Variants in CFAP100 observed in about 807,000 individuals in gnomAD.
CFAP100 encodes cilia and flagella associated protein 100, also known as cilia- and flagella-associated protein 100.
In CFAP100, 70 loss-of-function variants were observed where a neutral mutation model predicts 81.5. The ratio of observed to expected loss-of-function variants is 0.86; its 90% confidence interval spans 0.71 to 1.05. CFAP100 has a LOEUF of 1.05. CFAP100 is among the 50% of genes least tolerant of loss of function. CFAP100 has a pLI of 0.00. For missense variants in CFAP100, 811 were observed against 776.5 expected, an observed-to-expected ratio of 1.04 and a Z score of -0.53; for synonymous variants, 341 against 314.8, an observed-to-expected ratio of 1.08 and a Z score of -0.88.
At position 126,404,682 on chromosome 3, in the gene CFAP100, G is replaced by T. The variant is rs550821559; in HGVS notation, c.50-2490G>T. On this transcript the variant is annotated intron_variant, in intron 2 of 16. Coordinates refer to ENST00000352312, the MANE Select transcript of CFAP100 (RefSeq NM_182628.3). ...TCATTCACAGAGCAGGGAAAATGAG[G>T]TTTTTTTTCTGAGATGGAGTCTCGC... is the stretch of plus-strand genomic sequence containing the variant. Among the ~76,000 whole-genome samples, 12 of 152,018 alleles carry T rather than the reference G, an allele frequency of 7.9e-5. No individual in the cohort carries two copies. In the East Asian group the frequency reaches 1.2e-3, roughly 15 times the overall value.
At chr3:126,419,450 CTG>C (rs2107607013) in intron 8 of CFAP100, among the ~76,000 whole-genome samples, 185 bp from the exon 9 acceptor site, 1 of 152,338 alleles carries the variant, frequency 6.6e-6, no homozygotes, top group African/African-American at 2.4e-5. Flanking sequence ...TCACAAAGGG[CTG>C]TGACTCTGCT....
intron 5 of CFAP100, among the ~76,000 whole-genome samples, chr3:126,417,219 T>A (rs2083258442): frequency 6.6e-6 from 1 of 152,204 alleles, no homozygotes; most frequent in African/African-American, 2.4e-5. Context: ...CAGCTCAGTT[T>A]CCTTTCCTGG....
intron 2 of CFAP100, among the ~76,000 whole-genome samples, chr3:126,401,804 C>T (rs555550529): frequency 6.6e-5 from 10 of 152,086 alleles, no homozygotes; most frequent in Non-Finnish European, 1.3e-4. Context: ...CTGCCAAACC[C>T]TGGTCCTTCT....
At chr3:126,434,431 G>A in intron 15 of CFAP100, 50 bp downstream of exon 15, 7 of 1,565,698 alleles carry the variant, frequency 4.5e-6, no homozygotes, top group Non-Finnish European at 6.1e-6. Flanking sequence ...CTGGCCCTGA[G>A]GGCAGAGGGC....
intron 14 of CFAP100, 116 bp from the exon 15 acceptor site, chr3:126,434,060 C>T: frequency 1.2e-6 from 1 of 834,808 alleles, no homozygotes; most frequent in Non-Finnish European, 1.9e-6. Flanking sequence ...AGAGCTCCCA[C>T]TGTGTGCCAA....
chr3:126,418,706 G>A lies in CFAP100; in HGVS notation c.582G>A (p.Glu194=), dbSNP rs1189065747. ...TGGAGCGGGCCGAGAAATCCCTGGA[G>A]AAGGACGCCGCCTTGTTCGACGAGT... is the stretch of plus-strand genomic sequence containing the variant. ...ARLERAEKSL[E]KDAALFDEFV... is the part of the protein sequence containing the mutation. The change falls in exon 7 of 17, where the codon GAG becomes GAA. Residue 194 remains glutamate, a synonymous_variant. Transcript: ENST00000352312. 1 of 1,589,596 alleles carries A rather than the reference G, an allele frequency of 6.3e-7. No individual in the cohort carries two copies. Among genetic ancestry groups the A allele is most frequent in the Non-Finnish European group, 8.6e-7 (1 of 1,168,804 alleles).
chr3:126,434,427 CT>C, intron 15 of CFAP100, 46 bp downstream of exon 15: 1 of 1,576,630 alleles, frequency 6.3e-7, no homozygotes, highest in Non-Finnish European at 8.6e-7. Flanking sequence ...CTGGCTGGCC[CT>C]GAGGGCAGAG....
intron 3 of CFAP100, among the ~76,000 whole-genome samples, chr3:126,410,639 T>C (rs1189937348): frequency 6.6e-6 from 1 of 152,134 alleles, no homozygotes; most frequent in African/African-American, 2.4e-5. Flanking sequence ...GTGCTGGCAT[T>C]CCAGGCATGA....
At position 126,420,122 on chromosome 3, in the gene CFAP100, G is replaced by A; in HGVS notation, c.975G>A (p.Lys325=). Reference sequence around the variant, plus strand: ...CTCCAGAGGGTCAGGGTACAAAGAAGCCCTGGAGGTTTCTGCAGACGATGC... The same window carrying A: ...CTCCAGAGGGTCAGGGTACAAAGAAACCCTGGAGGTTTCTGCAGACGATGC... The part of the protein sequence containing the change: ...MWAKEGQGTK[K]PWRFLQTMRL... Residue 325 remains lysine, a synonymous_variant, in exon 11 of 17, where the codon AAG becomes AAA. Transcript: ENST00000352312. 6.2e-7 allele frequency: 1 copy of A among 1,613,356 alleles called. No individual in the cohort carries two copies. The highest frequency in any genetic ancestry group is 8.5e-7 in the Non-Finnish European group (1 of 1,180,012).
chr3:126,426,983 A>G (rs140106671), intron 13 of CFAP100, among the ~76,000 whole-genome samples: 117 of 152,358 alleles, frequency 7.7e-4, no homozygotes, highest in African/African-American at 2.6e-3. Context: ...ATATGAGGAA[A>G]GCTGTAAAAC....
intron 2 of CFAP100, among the ~76,000 whole-genome samples, chr3:126,399,468 A>T (rs578115068): frequency 3.9e-4 from 59 of 152,270 alleles, no homozygotes; most frequent in Non-Finnish European, 7.1e-4. Flanking sequence ...AACTATTCAC[A>T]GATGACACAA....
chr3:126,411,740 G>C (rs531238058), intron 3 of CFAP100, among the ~76,000 whole-genome samples: 1 of 152,178 alleles, frequency 6.6e-6, no homozygotes, highest in African/African-American at 2.4e-5. Flanking sequence ...TATTTCTGTG[G>C]TGGTGGATGA....
At chr3:126,420,275 G>A in intron 11 of CFAP100, 46 bp downstream of exon 11, 1 of 1,605,236 alleles carries the variant, frequency 6.2e-7, no homozygotes, top group Non-Finnish European at 8.5e-7. Context: ...CTAGCGGCGA[G>A]CCCTCCCTTG....
chr3:126,429,107 CAAAAAAAAAAAAAAAAA>C (rs57773311), intron 13 of CFAP100, among the ~76,000 whole-genome samples: 16 of 95,752 alleles, frequency 1.7e-4, no homozygotes, highest in Non-Finnish European at 2.3e-4. Flanking sequence ...CGTCTCCATC[CAAAAAAAAAAAAAAAAA>C]AAAAAAAAAA....
chr3:126,426,058 CTAATG>C (rs1369706963), intron 13 of CFAP100, among the ~76,000 whole-genome samples: 2 of 152,094 alleles, frequency 1.3e-5, no homozygotes, highest in African/African-American at 4.8e-5. Flanking sequence ...GAAGTCTTAG[CTAATG>C]TAATAAGACA....
chr3:126,434,316 G>A lies in CFAP100; in HGVS notation c.1563G>A (p.Leu521=), dbSNP rs762979957. Residue 521 remains leucine (L), a synonymous_variant, in exon 15 of 17, where the codon CTG becomes CTA. Transcript: ENST00000352312. Reference sequence around the variant, plus strand: ...AGCTGGATGAGCTGCTAGAGAACCTGGAGCACGTGCCCCAGGTCAAGATCG... The same window carrying A: ...AGCTGGATGAGCTGCTAGAGAACCTAGAGCACGTGCCCCAGGTCAAGATCG... The part of the protein sequence containing the change: ...EHQLDELLEN[L]EHVPQVKIEQ... The A allele has an allele frequency of 5.0e-6, 8 of 1,613,992 alleles. No individual in the cohort carries two copies. The highest frequency in any genetic ancestry group is 4.0e-5 in the African/African-American group (3 of 74,918).
chr3:126,396,022 A>G lies in CFAP100; in HGVS notation c.22A>G (p.Ile8Val), dbSNP rs913442836. ...CAAGATGTCTGAGATACCGTCCACT[A>G]TAGTCTCCAAGAACATGACCAATGA... The part of the protein sequence containing the change: MSEIPST[I>V]VSKNMTNDKN... Residue 8 changes from isoleucine (I) to valine (V), a missense_variant, in exon 2 of 17, where the codon ATA (isoleucine) becomes GTA (valine). Coordinates refer to ENST00000352312, the MANE Select transcript of CFAP100 (RefSeq NM_182628.3). 1 of 1,614,138 alleles carries G rather than the reference A, an allele frequency of 6.2e-7. No individual in the cohort carries two copies. The highest frequency in any genetic ancestry group is 8.5e-7 in the Non-Finnish European group (1 of 1,179,958).
At chr3:126,419,959 C>T (rs371860709) in intron 9 of CFAP100, 21 bp from the exon 10 acceptor site, 12 of 1,606,856 alleles carry the variant, frequency 7.5e-6, no homozygotes, top group Admixed American at 5.0e-5. Context: ...GCCATCGGGG[C>T]CCCCCCTTTG....
chr3:126,436,272 G>A lies in CFAP100; in HGVS notation c.1723-19G>A, dbSNP rs770112454. ...GGCTCACTAGGCAGCAAGGCTCACT[G>A]GGCTTGTTTCCCCTGCAGAGAGGCA... On this transcript the variant is annotated intron_variant, in intron 16 of 16. Coordinates refer to ENST00000352312, the MANE Select transcript of CFAP100 (RefSeq NM_182628.3). 1.1e-5 allele frequency: 17 copies of A among 1,602,132 alleles called. No homozygotes were observed. The highest frequency in any genetic ancestry group is 1.3e-5 in the Non-Finnish European group (15 of 1,170,120).
Sources: gnomAD v4.1 joint callset for allele counts (sites outside exome capture counted in the v4.1 genomes callset) on GRCh38, gnomAD v4.1.1 for gene constraint, MANE v1.5 for transcripts, NCBI Gene and HGNC (gene_info 2026-07-23, HGNC 2026-07-21) for gene names.